PHACTR4: variants seen among roughly 807,000 people sequenced by gnomAD.
PHACTR4 encodes phosphatase and actin regulator 4.
In PHACTR4, 51 loss-of-function variants were observed where a neutral mutation model predicts 72.7. The observed-to-expected ratio is 0.70, with a 90% CI of 0.56 to 0.89. PHACTR4 has a LOEUF of 0.89. PHACTR4 is among the 40% of genes least tolerant of loss of function. PHACTR4 has a pLI of 0.00. For synonymous variants in PHACTR4, 255 were observed against 302.5 expected (o/e 0.84, Z 1.63); for missense variants, 731 against 861.8 (o/e 0.85, Z 1.90).
At chr1:28,476,967 A>G (rs1400576779) in intron 8 of PHACTR4, among the ~76,000 whole-genome samples, 2 of 149,248 alleles carry the variant, frequency 1.3e-5, no homozygotes, top group African/African-American at 2.5e-5. Context: ...ATGGGGCTTC[A>G]CCATGTTGGT....
intron 9 of PHACTR4, 78 bp from the exon 10 acceptor site, chr1:28,489,092 T>C: frequency 3.5e-6 from 4 of 1,155,400 alleles, no homozygotes; most frequent in Non-Finnish European, 5.1e-6. Context: ...GGCTAATATA[T>C]ACTGTGACCA....
chr1:28,480,352 A>G, intron 8 of PHACTR4, 99 bp from the exon 9 acceptor site: 6 of 1,376,624 alleles, frequency 4.4e-6, no homozygotes, highest in Non-Finnish European at 6.0e-6. Context: ...CTGGGAATTA[A>G]ATATTGTATT....
chr1:28,440,028 G>A (rs1201377753), intron 2 of PHACTR4, among the ~76,000 whole-genome samples: 1 of 152,252 alleles, frequency 6.6e-6, no homozygotes, highest in East Asian at 1.9e-4. Flanking sequence ...GAGGCCGGGC[G>A]CGGTGGCTCA....
chr1:28,480,824 C>T (rs558237064), intron 9 of PHACTR4, among the ~76,000 whole-genome samples: 43 of 151,974 alleles, frequency 2.8e-4, no homozygotes, highest in Non-Finnish European at 5.7e-4. Flanking sequence ...GAGTAGCTGG[C>T]GTTATAGGCA....
chr1:28,499,820 T>G lies in PHACTR4; in HGVS notation c.*3271T>G, dbSNP rs1367439407. ...ATTGGGATAACTGAGGGAAGAGAAG[T>G]GACAATTCCACTCAGTCTATTAGAG... On this transcript the variant is annotated 3_prime_UTR_variant, in exon 14 of 14. Coordinates refer to ENST00000373839, the MANE Select transcript of PHACTR4 (RefSeq NM_001048183.3). The G allele has an allele frequency of 1.3e-5, 2 of 152,132 alleles. No individual in the cohort carries two copies. The highest frequency in any genetic ancestry group is 2.9e-5 in the Non-Finnish European group (2 of 68,042). The allele number at this position is 152,132 out of a possible 1,614,324, so 9.4% of individuals were successfully genotyped here.
intron 2 of PHACTR4, among the ~76,000 whole-genome samples, chr1:28,425,527 G>A (rs777846157): frequency 6.6e-6 from 1 of 152,214 alleles, no homozygotes; most frequent in Non-Finnish European, 1.5e-5. Flanking sequence ...GTGTAACTAG[G>A]TGTTCATTAC....
intron 1 of PHACTR4, among the ~76,000 whole-genome samples, chr1:28,388,813 G>T (rs561819389): frequency 1.9e-4 from 29 of 151,928 alleles, no homozygotes; most frequent in Non-Finnish European, 2.4e-4. Flanking sequence ...TCATGCCATT[G>T]TACTCCAGCC....
At chr1:28,411,071 G>A (rs954700541) in intron 2 of PHACTR4, among the ~76,000 whole-genome samples, 2 of 151,060 alleles carry the variant, frequency 1.3e-5, no homozygotes, top group African/African-American at 4.9e-5. Context: ...TTTTGAGGTG[G>A]AGTCTTGCTC....
chr1:28,456,173 G>A (rs1658370987), intron 2 of PHACTR4, among the ~76,000 whole-genome samples: 1 of 152,086 alleles, frequency 6.6e-6, no homozygotes, highest in Admixed American at 6.6e-5. Context: ...CATAATGCTT[G>A]CAACTGCCCT....
chr1:28,460,355 C>T (rs1310879811), intron 4 of PHACTR4, 63 bp downstream of exon 4: 31 of 1,177,064 alleles, frequency 2.6e-5, no homozygotes, highest in Non-Finnish European at 3.4e-5. Context: ...TTGGGTCTGA[C>T]GAGATATTTG....
intron 6 of PHACTR4, among the ~76,000 whole-genome samples, chr1:28,468,326 C>T (rs568371032): frequency 3.3e-5 from 5 of 152,192 alleles, no homozygotes; most frequent in Admixed American, 6.5e-5. Flanking sequence ...CGCAGTGGCT[C>T]ATGCCTGTAA....
intron 9 of PHACTR4, among the ~76,000 whole-genome samples, chr1:28,485,512 G>A (rs1463762242): frequency 6.6e-6 from 1 of 151,792 alleles, no homozygotes; most frequent in African/African-American, 2.4e-5. Context: ...GCTTGAACCC[G>A]GGAGGCAGAG....
At chr1:28,430,691 C>A (rs1040863998) in intron 2 of PHACTR4, among the ~76,000 whole-genome samples, 1 of 152,158 alleles carries the variant, frequency 6.6e-6, no homozygotes, top group Non-Finnish European at 1.5e-5. Context: ...CTTCCTAACC[C>A]CTCACTGGAG....
Position 28,496,577 on chromosome 1 carries a change from T to G in PHACTR4, c.*28T>G, listed in dbSNP as rs1229718757. ...CCAAAGGTTGAGAGAGGAATCAACATGGCTGCTTTGCTGCTTCCTTCTCCA... is the reference window on the plus strand; with the variant it reads ...CCAAAGGTTGAGAGAGGAATCAACAGGGCTGCTTTGCTGCTTCCTTCTCCA... On this transcript the variant is annotated 3_prime_UTR_variant, in exon 14 of 14. Transcript: ENST00000373839. 7 of 1,613,116 alleles carry G rather than the reference T, an allele frequency of 4.3e-6. No homozygotes were observed. The highest frequency in any genetic ancestry group is 5.9e-6 in the Non-Finnish European group (7 of 1,179,580).
At chr1:28,424,243 G>A (rs990316201) in intron 2 of PHACTR4, among the ~76,000 whole-genome samples, 1 of 151,896 alleles carries the variant, frequency 6.6e-6, no homozygotes, top group African/African-American at 2.4e-5. Context: ...CCAGACTGGA[G>A]TACAATGGTG....
chr1:28,399,625 C>T (rs1653796794), intron 1 of PHACTR4, among the ~76,000 whole-genome samples: 1 of 152,070 alleles, frequency 6.6e-6, no homozygotes, highest in South Asian at 2.1e-4. Flanking sequence ...CTAGTGTATG[C>T]ACCTTCTAAA....
chr1:28,451,072 G>A (rs1268059261), intron 2 of PHACTR4, among the ~76,000 whole-genome samples: 5 of 147,000 alleles, frequency 3.4e-5, no homozygotes, highest in South Asian at 2.2e-4. Flanking sequence ...CGCCCACCTC[G>A]GCCTCCCAAA....
intron 1 of PHACTR4, among the ~76,000 whole-genome samples, chr1:28,390,834 G>A (rs1652954891): frequency 6.6e-6 from 1 of 151,786 alleles, no homozygotes; most frequent in African/African-American, 2.4e-5. Flanking sequence ...GGTGGTTCAA[G>A]CCTGTAACAC....
intron 7 of PHACTR4, among the ~76,000 whole-genome samples, chr1:28,475,729 CTT>C (rs71672836): frequency 2.2e-5 from 3 of 135,224 alleles, no homozygotes; most frequent in Admixed American, 7.3e-5. Context: ...AGTCCTTTGT[CTT>C]TTTTTTTTTT....
Sources: allele counts gnomAD v4.1 joint callset (sites outside exome capture counted in the v4.1 genomes callset), GRCh38; gene constraint gnomAD v4.1.1; transcripts MANE v1.5; gene names NCBI Gene and HGNC (gene_info 2026-07-23, HGNC 2026-07-21).